Variants in TMEM163 observed in about 807,000 individuals in gnomAD.
TMEM163 encodes transmembrane protein 163.
TMEM163 carries 17 observed loss-of-function variants against 29.3 expected under a neutral mutation model. That is an observed-to-expected ratio of 0.58 (90% CI 0.40 to 0.87). The LOEUF (loss-of-function observed/expected upper bound fraction) is 0.87, where lower values mean the gene tolerates loss of function less well. Among genes scored for constraint, TMEM163 ranks in the 40% least tolerant of loss-of-function variants. The pLI, the probability that TMEM163 is intolerant of heterozygous loss-of-function variation, is 0.00. For synonymous variants in TMEM163, 157 were observed against 160.6 expected (o/e 0.98, Z 0.17); for missense variants, 303 against 381.5 (o/e 0.79, Z 1.71).
At chr2:134,578,919 T>G (rs1230338877) in intron 2 of TMEM163, among the ~76,000 whole-genome samples, 2 of 152,168 alleles carry the variant, frequency 1.3e-5, no homozygotes, top group Admixed American at 6.5e-5. Context: ...CCAAATTCCC[T>G]ACCACAGAGC....
At chr2:134,634,005 A>G (rs1276910655) in intron 2 of TMEM163, among the ~76,000 whole-genome samples, 1 of 30,228 alleles carries the variant, frequency 3.3e-5, no homozygotes, top group Non-Finnish European at 8.8e-5. Context: ...ATATATATAT[A>G]TATATATATA....
chr2:134,656,254 G>A (rs1292003741), intron 2 of TMEM163, among the ~76,000 whole-genome samples: 3 of 150,628 alleles, frequency 2.0e-5, no homozygotes, highest in Admixed American at 6.6e-5. Context: ...CTCATGGTTC[G>A]CCGCTTTTTA....
chr2:134,475,115 GATTT>G (rs1486549228), intron 5 of TMEM163, among the ~76,000 whole-genome samples: 1 of 152,126 alleles, frequency 6.6e-6, no homozygotes, highest in Non-Finnish European at 1.5e-5. Flanking sequence ...TTTCCAAACT[GATTT>G]ATTATGAAGC....
intron 2 of TMEM163, among the ~76,000 whole-genome samples, chr2:134,684,077 C>T (rs143088506): frequency 2.2e-3 from 341 of 152,198 alleles, no homozygotes; most frequent in African/African-American, 7.7e-3. Context: ...CTCACCATGT[C>T]CTGGAAGTAA....
At chr2:134,579,678 T>C (rs1681646466) in intron 2 of TMEM163, among the ~76,000 whole-genome samples, 1 of 152,160 alleles carries the variant, frequency 6.6e-6, no homozygotes, top group Non-Finnish European at 1.5e-5. Flanking sequence ...TCGGAAGAGA[T>C]ATACTGGGAT....
chr2:134,696,769 T>C (rs543417951), intron 2 of TMEM163, among the ~76,000 whole-genome samples: 2 of 152,262 alleles, frequency 1.3e-5, no homozygotes, highest in African/African-American at 4.8e-5. Flanking sequence ...TTACTTCTAA[T>C]AGTATCTGCA....
intron 2 of TMEM163, among the ~76,000 whole-genome samples, chr2:134,683,026 C>T (rs1228455201): frequency 6.6e-6 from 1 of 152,106 alleles, no homozygotes; most frequent in Non-Finnish European, 1.5e-5. Flanking sequence ...GAAAAGGCTA[C>T]ATACTGTATG....
At chr2:134,622,513 G>A (rs1682761578) in intron 2 of TMEM163, among the ~76,000 whole-genome samples, 1 of 152,188 alleles carries the variant, frequency 6.6e-6, no homozygotes, top group Admixed American at 6.5e-5. Flanking sequence ...TGGCTTCAGT[G>A]TGCATAAGAC....
chr2:134,705,035 C>T (rs1007593839), intron 2 of TMEM163, among the ~76,000 whole-genome samples: 1 of 151,966 alleles, frequency 6.6e-6, no homozygotes, highest in African/African-American at 2.4e-5. Flanking sequence ...CATGGCGAAA[C>T]CCCGGCTCTA....
intron 2 of TMEM163, among the ~76,000 whole-genome samples, chr2:134,587,972 G>A (rs1224354212): frequency 6.6e-6 from 1 of 152,208 alleles, no homozygotes; most frequent in Non-Finnish European, 1.5e-5. Context: ...CATCCAAAGG[G>A]AAGGAAAATG....
At chr2:134,708,857 G>A (rs1263743913) in intron 2 of TMEM163, among the ~76,000 whole-genome samples, 1 of 152,108 alleles carries the variant, frequency 6.6e-6, no homozygotes, top group Non-Finnish European at 1.5e-5. Context: ...AAAGTGCTGG[G>A]ATTACAAGCA....
chr2:134,510,400 G>A (rs1437897154), intron 4 of TMEM163, among the ~76,000 whole-genome samples: 1 of 152,192 alleles, frequency 6.6e-6, no homozygotes, highest in Non-Finnish European at 1.5e-5. Context: ...GGAGACCCAT[G>A]ATGTGATCTG....
intron 4 of TMEM163, among the ~76,000 whole-genome samples, chr2:134,514,987 T>C (rs989346096): frequency 9.9e-5 from 15 of 152,230 alleles, no homozygotes; most frequent in African/African-American, 3.1e-4. Context: ...AAATGCAAGT[T>C]TGCAGCATAA....
chr2:134,572,481 T>C (rs572253533), intron 2 of TMEM163, among the ~76,000 whole-genome samples: 59 of 152,366 alleles, frequency 3.9e-4, no homozygotes, highest in African/African-American at 1.3e-3. Context: ...AAATATCCAG[T>C]TCATTACCAC....
Position 134,493,844 on chromosome 2 carries a change from G to T in TMEM163, c.555+9057C>A, listed in dbSNP as rs186531400. On this transcript the variant is annotated intron_variant, in intron 5 of 7. Coordinates refer to ENST00000281924, the MANE Select transcript of TMEM163 (RefSeq NM_030923.5). ...CCTTTTTGTCCATATGGCAACCTGG[G>T]TGATCCAGCACCATTTGTTGAGGAG... Among the ~76,000 whole-genome samples the T allele has an allele frequency of 4.0e-4, 61 of 152,282 alleles. 1 individual carries two copies. The highest frequency in any genetic ancestry group is 1.4e-3 in the African/African-American group (58 of 41,570).
intron 2 of TMEM163, among the ~76,000 whole-genome samples, chr2:134,704,746 A>T (rs1226110901): frequency 6.6e-6 from 1 of 152,224 alleles, no homozygotes; most frequent in Non-Finnish European, 1.5e-5. Context: ...ACACAGAATT[A>T]TTCTGACACA....
intron 2 of TMEM163, among the ~76,000 whole-genome samples, chr2:134,701,323 G>C (rs557625321): frequency 6.6e-6 from 1 of 152,264 alleles, no homozygotes; most frequent in African/African-American, 2.4e-5. Context: ...TCCTAACACA[G>C]CAGTGTGAAA....
intron 2 of TMEM163, among the ~76,000 whole-genome samples, chr2:134,570,405 T>C (rs1681392642): frequency 6.6e-6 from 1 of 152,088 alleles, no homozygotes; most frequent in South Asian, 2.1e-4. Flanking sequence ...TATCCAAGCT[T>C]ACAGGCATCC....
intron 2 of TMEM163, among the ~76,000 whole-genome samples, chr2:134,641,039 G>A (rs1294195910): frequency 6.6e-6 from 1 of 152,200 alleles, no homozygotes; most frequent in Non-Finnish European, 1.5e-5. Context: ...TGAGAACATG[G>A]ATGAAGATGC....
Sources: allele counts gnomAD v4.1 joint callset (sites outside exome capture counted in the v4.1 genomes callset), GRCh38; gene constraint gnomAD v4.1.1; transcripts MANE v1.5; gene names NCBI Gene and HGNC (gene_info 2026-07-23, HGNC 2026-07-21).